Variants in NEGR1 observed in about 807,000 individuals in gnomAD.
NEGR1 encodes the protein IgLON family member 4.
NEGR1 carries 10 observed loss-of-function variants against 40.9 expected under a neutral mutation model. The observed-to-expected ratio is 0.24, with a 90% CI of 0.15 to 0.42. The LOEUF is 0.42. Ranked by LOEUF, NEGR1 falls within the 10% of genes least tolerant of loss-of-function variation. The probability of loss-of-function intolerance (pLI) is 1.00; values close to 1 mark genes in which losing one functional copy is unlikely to be tolerated. For synonymous variants in NEGR1, 185 were observed against 166.8 expected, an observed-to-expected ratio of 1.11 and a Z score of -0.84; for missense variants, 352 against 438.9, an observed-to-expected ratio of 0.80 and a Z score of 1.77.
At chr1:71,520,826 A>T (rs1647152199) in intron 6 of NEGR1, among the ~76,000 whole-genome samples, 1 of 152,042 alleles carries the variant, frequency 6.6e-6, no homozygotes, top group Non-Finnish European at 1.5e-5. Flanking sequence ...GAAAATGGGA[A>T]GGTGATTTCA....
chr1:71,911,697 C>T (rs993622428), intron 2 of NEGR1, among the ~76,000 whole-genome samples: 5 of 152,168 alleles, frequency 3.3e-5, no homozygotes, highest in African/African-American at 7.2e-5. Flanking sequence ...CTTTCCACTA[C>T]ACTAGTGTTT....
At chr1:71,559,902 G>A (rs919145160) in intron 6 of NEGR1, among the ~76,000 whole-genome samples, 1 of 151,102 alleles carries the variant, frequency 6.6e-6, no homozygotes, top group Non-Finnish European at 1.5e-5. Flanking sequence ...AAAGCTCCCA[G>A]GATCTTAGTT....
chr1:72,195,536 A>T (rs1200567155), intron 1 of NEGR1, among the ~76,000 whole-genome samples: 2 of 151,966 alleles, frequency 1.3e-5, no homozygotes, highest in Admixed American at 1.3e-4. Context: ...ATACACCAAG[A>T]TTTTTTTCTT....
chr1:71,831,532 C>G (rs1658839798), intron 2 of NEGR1, among the ~76,000 whole-genome samples: 1 of 151,930 alleles, frequency 6.6e-6, no homozygotes, highest in East Asian at 1.9e-4. Flanking sequence ...TCAAATACTT[C>G]TGGGCACATG....
intron 2 of NEGR1, among the ~76,000 whole-genome samples, chr1:71,883,185 T>G (rs1296495674): frequency 6.6e-6 from 1 of 152,108 alleles, no homozygotes; most frequent in African/African-American, 2.4e-5. Flanking sequence ...ATTATAAGAT[T>G]TATTCATTAT....
At chr1:71,859,705 T>C (rs2101821532) in intron 2 of NEGR1, among the ~76,000 whole-genome samples, 1 of 152,200 alleles carries the variant, frequency 6.6e-6, no homozygotes, top group East Asian at 1.9e-4. Context: ...TTTTACCTCC[T>C]GTCAGCTTCT....
In NEGR1 at chr1:71,855,809, A is replaced by G. The variant is rs1011501080; in HGVS notation, c.409+79270T>C. ...GTGGCAATAAGGTAAAATTATTTCT[A>G]TTAGGAAAGGTTGAATTTAGAAAAA... On this transcript the variant is annotated intron_variant, in intron 2 of 6. Transcript: ENST00000357731. Among the ~76,000 whole-genome samples, 8 of 152,032 alleles carry G rather than the reference A, an allele frequency of 5.3e-5. No individual in the cohort carries two copies. The East Asian group carries it at 1.4e-3, about 26-fold the overall frequency.
intron 6 of NEGR1, among the ~76,000 whole-genome samples, chr1:71,525,448 T>A (rs1486330458): frequency 6.6e-6 from 1 of 151,686 alleles, no homozygotes; most frequent in Non-Finnish European, 1.5e-5. Context: ...TGACTTAAAA[T>A]CTAAATTATA....
chr1:72,156,530 C>T (rs1161143876), intron 1 of NEGR1, among the ~76,000 whole-genome samples: 2 of 152,128 alleles, frequency 1.3e-5, no homozygotes, highest in Admixed American at 6.6e-5. Flanking sequence ...CAGAATTGTA[C>T]TATCTATGGC....
intron 1 of NEGR1, among the ~76,000 whole-genome samples, chr1:72,204,909 C>T (rs779137599): frequency 1.3e-5 from 2 of 152,012 alleles, no homozygotes; most frequent in Non-Finnish European, 2.9e-5. Flanking sequence ...CATGGCAAAT[C>T]TAAATCACAT....
intron 1 of NEGR1, among the ~76,000 whole-genome samples, chr1:71,942,478 T>TA (rs1557446328): frequency 2.8e-4 from 5 of 17,920 alleles, no homozygotes; most frequent in Non-Finnish European, 5.7e-4. Context: ...TATATATATA[T>TA]ATATATTTTT....
At chr1:72,104,292 G>A (rs1404246419) in intron 1 of NEGR1, among the ~76,000 whole-genome samples, 1 of 152,096 alleles carries the variant, frequency 6.6e-6, no homozygotes, top group Non-Finnish European at 1.5e-5. Context: ...TGGATTATCT[G>A]GTTGGGCCCA....
At chr1:71,597,429 T>A (rs548500393) in intron 5 of NEGR1, among the ~76,000 whole-genome samples, 5 of 108,618 alleles carry the variant, frequency 4.6e-5, no homozygotes, top group African/African-American at 1.8e-4. Context: ...TATATATATA[T>A]ATGTCTCTCT....
rs534099337 is a variant in NEGR1, at chr1:71,617,193, T to C, written c.668-6047A>G. 2.8e-4 allele frequency among the ~76,000 whole-genome samples: 43 copies of C among 152,272 alleles called. No individual in the cohort carries two copies. The East Asian group carries it at 7.0e-3, about 25-fold the overall frequency. On this transcript the variant is annotated intron_variant, in intron 4 of 6. Coordinates refer to ENST00000357731, the MANE Select transcript of NEGR1 (RefSeq NM_173808.3). ...AAGCTAAGAAGCCCTTCCCTATTGG[T>C]GAAGAGCTGATCCTGCCTACCACTA...
chr1:72,236,486 C>T (rs772476123), intron 1 of NEGR1, among the ~76,000 whole-genome samples: 8 of 151,826 alleles, frequency 5.3e-5, no homozygotes, highest in Non-Finnish European at 8.8e-5. Context: ...AACTTTGAAT[C>T]GAAACAATTT....
intron 1 of NEGR1, among the ~76,000 whole-genome samples, chr1:72,246,265 A>G (rs1325971096): frequency 6.6e-6 from 1 of 152,168 alleles, no homozygotes; most frequent in Non-Finnish European, 1.5e-5. Flanking sequence ...AATTATCGCC[A>G]TTTATATTGT....
intron 1 of NEGR1, among the ~76,000 whole-genome samples, chr1:72,212,643 T>C (rs533873235): frequency 9.9e-4 from 151 of 152,046 alleles, no homozygotes; most frequent in African/African-American, 3.5e-3. Flanking sequence ...TAAAAAGCAA[T>C]AAAGAAGTAA....
At chr1:72,125,829 C>T (rs955481029) in intron 1 of NEGR1, among the ~76,000 whole-genome samples, 4 of 151,986 alleles carry the variant, frequency 2.6e-5, no homozygotes, top group African/African-American at 7.2e-5. Context: ...CCCACCAGAA[C>T]AAAGTAAGAA....
intron 6 of NEGR1, among the ~76,000 whole-genome samples, chr1:71,543,470 A>G (rs1219317906): frequency 6.6e-6 from 1 of 151,766 alleles, no homozygotes; most frequent in African/African-American, 2.4e-5. Context: ...TGACCAAGAT[A>G]TGTGCTTTCC....
Sources: gnomAD v4.1 joint callset for allele counts (sites outside exome capture counted in the v4.1 genomes callset) on GRCh38, gnomAD v4.1.1 for gene constraint, MANE v1.5 for transcripts, NCBI Gene and HGNC (gene_info 2026-07-23, HGNC 2026-07-21) for gene names.